CPAMD8: variants seen among roughly 807,000 people sequenced by gnomAD.
The protein encoded by CPAMD8 is C3 and PZP-like alpha-2-macroglobulin domain-containing protein 8.
In CPAMD8, 146 loss-of-function variants were observed where a neutral mutation model predicts 224.7. That is an observed-to-expected ratio of 0.65 (90% CI 0.57 to 0.75). The LOEUF is 0.75. Ranked by LOEUF, CPAMD8 falls within the 30% of genes least tolerant of loss-of-function variation. The probability of loss-of-function intolerance (pLI) is 0.00; values close to 1 mark genes in which losing one functional copy is unlikely to be tolerated. For synonymous variants in CPAMD8, 966 were observed against 1,044.6 expected (o/e 0.92, Z 1.45); for missense variants, 2,301 against 2,537.5 (o/e 0.91, Z 2.00).
chr19:16,940,883 G>A (rs2353102), intron 22 of CPAMD8, among the ~76,000 whole-genome samples: 40,141 of 152,156 alleles, frequency 0.26, 5,406 homozygotes, highest in Admixed American at 0.28. Context: ...TGTCGGGAAA[G>A]GGATTTGGAG....
intron 19 of CPAMD8, among the ~76,000 whole-genome samples, chr19:16,952,737 G>A (rs1020027400): frequency 2.0e-5 from 3 of 152,046 alleles, no homozygotes; most frequent in Admixed American, 2.0e-4. Context: ...ATAAATAAAT[G>A]AAAACATTTC....
chr19:16,955,309 A>G (rs538855079), intron 19 of CPAMD8, among the ~76,000 whole-genome samples: 206 of 143,672 alleles, frequency 1.4e-3, no homozygotes, highest in South Asian at 5.8e-3. Context: ...AAAAAAAAAA[A>G]AGAGAGAAGG....
intron 18 of CPAMD8, among the ~76,000 whole-genome samples, chr19:16,963,991 T>A (rs1339680159): frequency 6.6e-6 from 1 of 152,050 alleles, no homozygotes; most frequent in Non-Finnish European, 1.5e-5. Flanking sequence ...TTGAAACCAA[T>A]GAGAACAAAG....
intron 17 of CPAMD8, 115 bp from the exon 18 acceptor site, chr19:16,971,148 C>T: frequency 3.5e-6 from 3 of 859,462 alleles, no homozygotes; most frequent in Non-Finnish European, 5.2e-6. Flanking sequence ...CTTGTGGCAA[C>T]CTTGGGGGCA....
At chr19:16,927,874 T>C (rs2053418516) in intron 25 of CPAMD8, 135 bp downstream of exon 25, 2 of 675,008 alleles carry the variant, frequency 3.0e-6, no homozygotes, top group African/African-American at 3.5e-5. Context: ...AAGCTGCTTG[T>C]CAGGTGAGTG....
At chr19:16,914,546 A>G (rs1161659489) in intron 28 of CPAMD8, 48 bp from the exon 29 acceptor site, 1 of 1,607,772 alleles carries the variant, frequency 6.2e-7, no homozygotes, top group Non-Finnish European at 8.5e-7. Flanking sequence ...GAGACAGTCC[A>G]CTTCCCCCCA....
chr19:16,951,421 G>A (rs989858527), intron 20 of CPAMD8, among the ~76,000 whole-genome samples: 1 of 152,092 alleles, frequency 6.6e-6, no homozygotes, highest in Admixed American at 6.5e-5. Flanking sequence ...TATGGAGTTC[G>A]GATTTCAGTG....
chr19:17,000,972 CTG>C (rs1245841094), intron 9 of CPAMD8, among the ~76,000 whole-genome samples: 2 of 152,148 alleles, frequency 1.3e-5, no homozygotes, highest in Admixed American at 6.5e-5. Flanking sequence ...ACTTAAATGT[CTG>C]TATGTCACTC....
chr19:17,001,979 C>A (rs2056339907), intron 9 of CPAMD8, among the ~76,000 whole-genome samples: 4 of 151,014 alleles, frequency 2.6e-5, no homozygotes, highest in Admixed American at 2.6e-4. Flanking sequence ...GGGAGGAGGA[C>A]ACCCCAGGGA....
At position 17,000,397 on chromosome 19, in the gene CPAMD8, G is replaced by T; in HGVS notation, c.867+17C>A. On this transcript the variant is annotated intron_variant, in intron 10 of 41. Coordinates refer to ENST00000443236, the MANE Select transcript of CPAMD8 (RefSeq NM_015692.5). ...TGGGGGTTGGGTCAGGGGGTAGAAG[G>T]GGTCCCTGTTTCTCACCTTGGTTGT... The T allele has an allele frequency of 1.0e-6, 1 of 995,468 alleles. No individual in the cohort carries two copies. Among genetic ancestry groups the T allele is most frequent in the South Asian group, 1.3e-5 (1 of 78,450 alleles). The allele number at this position is 995,468 out of a possible 1,614,324, so 61.7% of individuals were successfully genotyped here. A position where few individuals can be genotyped will look rare whatever the true frequency, so the allele number is the denominator to read the frequency against.
At position 17,022,197 on chromosome 19, in the gene CPAMD8, T is replaced by TC. The variant is rs1359529194; in HGVS notation, c.93-17dup. ...CAAGTAACCCCTGCAGGAAAGGAGA[T>TC]CCGAGGTGAAGTTCTCACCCCAGAC... On this transcript the variant is annotated splice_polypyrimidine_tract_variant and intron_variant, in intron 1 of 41. Coordinates refer to ENST00000443236, the MANE Select transcript of CPAMD8 (RefSeq NM_015692.5). The TC allele has an allele frequency of 1.2e-6, 2 of 1,606,550 alleles. No homozygotes were observed. The highest frequency in any genetic ancestry group is 1.7e-6 in the Non-Finnish European group (2 of 1,176,214).
intron 29 of CPAMD8, among the ~76,000 whole-genome samples, chr19:16,912,868 A>T (rs564844654): frequency 1.4e-4 from 22 of 152,168 alleles, no homozygotes; most frequent in Admixed American, 1.3e-3. Context: ...AACAAACGAG[A>T]TACAAAGGAT....
chr19:16,922,344 A>G (rs73525416), intron 26 of CPAMD8, among the ~76,000 whole-genome samples: 5,429 of 150,018 alleles, frequency 0.036, 250 homozygotes, highest in African/African-American at 0.11. Flanking sequence ...ACTGCCTCAT[A>G]CTACATCTGG....
At chr19:16,997,712 C>T (rs545764367) in intron 10 of CPAMD8, among the ~76,000 whole-genome samples, 5 of 151,982 alleles carry the variant, frequency 3.3e-5, no homozygotes, top group East Asian at 1.9e-4. Context: ...AATAGCTGGG[C>T]GTGGTGACAG....
chr19:16,904,190 G>T, intron 32 of CPAMD8, 36 bp downstream of exon 32: 2 of 447,156 alleles, frequency 4.5e-6, no homozygotes, highest in Non-Finnish European at 8.0e-6. Flanking sequence ...CACCCACCCA[G>T]CCCTGAGCCC....
At chr19:17,004,982 G>GAA (rs1440422344) in intron 7 of CPAMD8, among the ~76,000 whole-genome samples, 2 of 149,042 alleles carry the variant, frequency 1.3e-5, no homozygotes, top group Admixed American at 6.8e-5. Flanking sequence ...GAGAGAGAGA[G>GAA]AAACAGACAA....
chr19:16,922,329 T>TACATCTGGAGTCCC (rs2053207530), intron 26 of CPAMD8, among the ~76,000 whole-genome samples: 1 of 146,816 alleles, frequency 6.8e-6, no homozygotes, highest in Non-Finnish European at 1.5e-5. Context: ...TCTGGGGTTC[T>TACATCTGGAGTCCC]TGAAACTGCC....
At chr19:16,908,176 T>C (rs2052595319) in intron 29 of CPAMD8, among the ~76,000 whole-genome samples, 1 of 151,908 alleles carries the variant, frequency 6.6e-6, no homozygotes, top group African/African-American at 2.4e-5. Context: ...CTGGCCAACA[T>C]GGTGAAATTC....
chr19:16,999,500 G>A lies in CPAMD8; in HGVS notation c.867+914C>T, dbSNP rs544244708. 2.0e-4 allele frequency among the ~76,000 whole-genome samples: 30 copies of A among 151,404 alleles called. No individual in the cohort carries two copies. In the Middle Eastern group the frequency reaches 0.017, roughly 86 times the overall value. ...CTGGGGAGGCTGAGGCAGGAGAATG[G>A]CATGAACCCAGGAGGCGGAGCTTGC... On this transcript the variant is annotated intron_variant, in intron 10 of 41. Coordinates refer to ENST00000443236, the MANE Select transcript of CPAMD8 (RefSeq NM_015692.5).
Sources: gnomAD v4.1 joint callset for allele counts (sites outside exome capture counted in the v4.1 genomes callset) on GRCh38, gnomAD v4.1.1 for gene constraint, MANE v1.5 for transcripts, NCBI Gene and HGNC (gene_info 2026-07-23, HGNC 2026-07-21) for gene names.